PAK1: variants seen among roughly 807,000 people sequenced by gnomAD.
PAK1 encodes serine/threonine-protein kinase PAK 1.
PAK1 carries 29 observed loss-of-function variants against 67.4 expected under a neutral mutation model. The ratio of observed to expected loss-of-function variants is 0.43; its 90% CI spans 0.32 to 0.59. The LOEUF is 0.59. Among genes scored for constraint, PAK1 ranks in the 20% least tolerant of loss-of-function variants. The pLI, the probability that PAK1 is intolerant of heterozygous loss-of-function variation, is 0.07. For missense variants in PAK1, 337 were observed against 670.7 expected (o/e 0.50, Z 5.50); for synonymous variants, 223 against 237.4 (o/e 0.94, Z 0.56).
intron 1 of PAK1, among the ~76,000 whole-genome samples, chr11:77,402,741 T>C (rs1952887225): frequency 6.6e-6 from 1 of 152,188 alleles, no homozygotes; most frequent in Admixed American, 6.5e-5. Context: ...TTTCCCACAT[T>C]GCCACATGCT....
At chr11:77,439,960 T>C (rs1042570940) in intron 1 of PAK1, among the ~76,000 whole-genome samples, 3 of 152,170 alleles carry the variant, frequency 2.0e-5, no homozygotes, top group Admixed American at 2.0e-4. Flanking sequence ...AAACCTAGTA[T>C]GGATATTTAA....
chr11:77,462,244 T>C (rs1292216751), intron 1 of PAK1, among the ~76,000 whole-genome samples: 1 of 150,844 alleles, frequency 6.6e-6, no homozygotes, highest in Non-Finnish European at 1.5e-5. Flanking sequence ...GGCAGGAGAA[T>C]GGCGTGAACC....
intron 1 of PAK1, chr11:77,411,815 C>G (rs1954588068): frequency 6.6e-6 from 1 of 152,352 alleles, no homozygotes; most frequent in South Asian, 2.1e-4. Flanking sequence ...GCGATTGTTT[C>G]CGTCGCAGAG....
At chr11:77,407,738 A>C (rs773190689) in intron 1 of PAK1, among the ~76,000 whole-genome samples, 1 of 152,202 alleles carries the variant, frequency 6.6e-6, no homozygotes, top group Non-Finnish European at 1.5e-5. Context: ...AATTTAAGTA[A>C]ATGGAACAGG....
At chr11:77,393,262 C>T (rs1592205360) in intron 1 of PAK1, among the ~76,000 whole-genome samples, 1 of 139,038 alleles carries the variant, frequency 7.2e-6, no homozygotes, top group African/African-American at 2.6e-5. Context: ...CTCTGAAATT[C>T]TACCTTGTTC....
chr11:77,330,183 C>T (rs1370252388), intron 14 of PAK1, among the ~76,000 whole-genome samples: 1 of 152,108 alleles, frequency 6.6e-6, no homozygotes, highest in Non-Finnish European at 1.5e-5. Context: ...TAGGAAGAAT[C>T]AATATCGTGA....
intron 14 of PAK1, among the ~76,000 whole-genome samples, chr11:77,330,699 C>CA (rs2136075647): frequency 6.6e-6 from 1 of 152,274 alleles, no homozygotes; most frequent in South Asian, 2.1e-4. Flanking sequence ...AAAACCTAGG[C>CA]AATACCATTC....
At chr11:77,456,726 A>AATT (rs1405624446) in intron 1 of PAK1, among the ~76,000 whole-genome samples, 1 of 151,970 alleles carries the variant, frequency 6.6e-6, no homozygotes, top group Admixed American at 6.6e-5. Context: ...ATGCAGGTAC[A>AATT]ATTATTATTA....
chr11:77,491,654 A>G, the PAK1 span, among the ~76,000 whole-genome samples: 1 of 152,224 alleles, frequency 6.6e-6, no homozygotes, highest in South Asian at 2.1e-4. Flanking sequence ...AATATATGCA[A>G]GCCTCATGAT....
chr11:77,338,861 G>A (rs1943144318), intron 11 of PAK1, among the ~76,000 whole-genome samples: 1 of 152,132 alleles, frequency 6.6e-6, no homozygotes, highest in Admixed American at 6.5e-5. Flanking sequence ...TATATAAAAT[G>A]CCCAGTACAG....
intron 14 of PAK1, among the ~76,000 whole-genome samples, chr11:77,323,763 A>G (rs1439621545): frequency 2.6e-5 from 4 of 152,208 alleles, no homozygotes; most frequent in African/African-American, 9.7e-5. Context: ...CAGCAATACA[A>G]TAAGTAATTG....
chr11:77,332,268 C>T (rs962914729), intron 14 of PAK1, among the ~76,000 whole-genome samples: 9 of 113,986 alleles, frequency 7.9e-5, no homozygotes, highest in African/African-American at 2.0e-4. Context: ...GACAAAATCA[C>T]GCCATTGCAC....
chr11:77,529,531 T>C, the PAK1 span, among the ~76,000 whole-genome samples: 1 of 152,208 alleles, frequency 6.6e-6, no homozygotes, highest in Admixed American at 6.5e-5. Context: ...TTTTCCACAT[T>C]CCTTGTAGCT....
the PAK1 span, among the ~76,000 whole-genome samples, chr11:77,527,456 T>C: frequency 6.6e-6 from 1 of 152,314 alleles, no homozygotes; most frequent in Admixed American, 6.5e-5. Context: ...GATAGATACT[T>C]TATATAGATC....
chr11:77,328,120 C>A (rs1485525145), intron 14 of PAK1, among the ~76,000 whole-genome samples: 1 of 152,118 alleles, frequency 6.6e-6, no homozygotes, highest in Admixed American at 6.6e-5. Flanking sequence ...TACAGGAGCA[C>A]CCAGATTCAT....
intron 1 of PAK1, among the ~76,000 whole-genome samples, chr11:77,398,107 T>C (rs922056279): frequency 6.6e-6 from 1 of 152,242 alleles, no homozygotes; most frequent in African/African-American, 2.4e-5. Flanking sequence ...TTATCCTTTG[T>C]GTTACAAACA....
the PAK1 span, among the ~76,000 whole-genome samples, chr11:77,504,141 C>T: frequency 6.6e-6 from 1 of 152,204 alleles, no homozygotes; most frequent in African/African-American, 2.4e-5. Flanking sequence ...GATCTGCCCG[C>T]CTCAGCCTTT....
At chr11:77,450,503 A>G (rs1015974836) in intron 1 of PAK1, among the ~76,000 whole-genome samples, 29 of 152,242 alleles carry the variant, frequency 1.9e-4, no homozygotes, top group Non-Finnish European at 3.1e-4. Flanking sequence ...CCTTATGATT[A>G]AAGACTAGAA....
intron 2 of PAK1, among the ~76,000 whole-genome samples, chr11:77,391,551 C>T (rs953323914): frequency 1.3e-5 from 2 of 152,120 alleles, no homozygotes; most frequent in African/African-American, 2.4e-5. Flanking sequence ...ACAGGGCCCA[C>T]AAATATAAGG....
Sources: allele counts gnomAD v4.1 joint callset (sites outside exome capture counted in the v4.1 genomes callset), GRCh38; gene constraint gnomAD v4.1.1; transcripts MANE v1.5; gene names NCBI Gene and HGNC (gene_info 2026-07-23, HGNC 2026-07-21).